Variants in CSMD1 observed in about 807,000 individuals in gnomAD.
The protein encoded by CSMD1 is CUB and Sushi multiple domains 1.
In CSMD1, 213 loss-of-function variants were observed where a neutral mutation model predicts 417.5. The observed-to-expected ratio is 0.51, with a 90% CI of 0.46 to 0.57. The LOEUF is 0.57. CSMD1 is among the 20% of genes least tolerant of loss of function. The pLI is 0.00. For synonymous variants in CSMD1, 2,862 were observed against 1,736.8 expected, an observed-to-expected ratio of 1.65 and a Z score of -16.11; for missense variants, 6,923 against 4,529.7, an observed-to-expected ratio of 1.53 and a Z score of -15.17.
intron 3 of CSMD1, among the ~76,000 whole-genome samples, chr8:4,241,400 T>C (rs924632741): frequency 4.6e-5 from 7 of 152,180 alleles, no homozygotes; most frequent in Non-Finnish European, 7.3e-5. Context: ...CTTAAGTACT[T>C]GCTAACCCCA....
At chr8:4,483,049 T>C (rs1344959129) in intron 2 of CSMD1, among the ~76,000 whole-genome samples, 2 of 152,260 alleles carry the variant, frequency 1.3e-5, no homozygotes, top group African/African-American at 2.4e-5. Context: ...TCATCTTGGA[T>C]TGGACTCCCA....
At chr8:4,817,094 T>A (rs1386859254) in intron 1 of CSMD1, among the ~76,000 whole-genome samples, 1 of 151,980 alleles carries the variant, frequency 6.6e-6, no homozygotes, top group African/African-American at 2.4e-5. Flanking sequence ...CTTTATTATG[T>A]GTATATACAT....
intron 7 of CSMD1, among the ~76,000 whole-genome samples, chr8:3,682,188 A>C (rs1216788840): frequency 1.3e-5 from 2 of 152,212 alleles, no homozygotes; most frequent in East Asian, 3.9e-4. Flanking sequence ...AAAATTGACA[A>C]ATGGGATCTA....
intron 6 of CSMD1, among the ~76,000 whole-genome samples, chr8:3,740,099 A>G (rs2954230): frequency 0.93 from 141,867 of 152,120 alleles, 66,974 homozygotes; most frequent in Non-Finnish European, 1. Context: ...TCATTTTACA[A>G]AATTTTATTT....
At chr8:4,373,322 G>C (rs1344910294) in intron 3 of CSMD1, among the ~76,000 whole-genome samples, 3 of 149,284 alleles carry the variant, frequency 2.0e-5, no homozygotes, top group African/African-American at 7.3e-5. Context: ...ACCAAAGAAA[G>C]TATGCGACAT....
intron 3 of CSMD1, among the ~76,000 whole-genome samples, chr8:4,339,305 C>T (rs1311340578): frequency 1.3e-5 from 2 of 152,060 alleles, no homozygotes; most frequent in African/African-American, 2.4e-5. Context: ...TCAGTTCTTA[C>T]CATTTTGTGA....
intron 3 of CSMD1, among the ~76,000 whole-genome samples, chr8:4,175,081 T>C (rs1053586206): frequency 2.6e-5 from 4 of 151,966 alleles, no homozygotes; most frequent in African/African-American, 7.3e-5. Flanking sequence ...ACTTTTACTT[T>C]GCACTTTCAT....
At chr8:4,114,480 C>A (rs914223131) in intron 3 of CSMD1, among the ~76,000 whole-genome samples, 1 of 152,166 alleles carries the variant, frequency 6.6e-6, no homozygotes, top group African/African-American at 2.4e-5. Context: ...TTAATGTTGT[C>A]TTCATGCCAG....
intron 2 of CSMD1, among the ~76,000 whole-genome samples, chr8:4,540,954 A>G (rs1797353041): frequency 1.3e-5 from 2 of 152,326 alleles, no homozygotes; most frequent in South Asian, 2.1e-4. Flanking sequence ...TCTTGCATAC[A>G]ATAGGGTTAA....
chr8:3,544,612 G>C (rs1490894750), intron 10 of CSMD1, among the ~76,000 whole-genome samples: 2 of 152,108 alleles, frequency 1.3e-5, no homozygotes, highest in Non-Finnish European at 2.9e-5. Context: ...CAGTAACAAA[G>C]GCGGGGGCCC....
chr8:3,427,842 C>A (rs1442825699), intron 12 of CSMD1, among the ~76,000 whole-genome samples: 6 of 152,166 alleles, frequency 3.9e-5, no homozygotes, highest in Non-Finnish European at 8.8e-5. Context: ...GCAGAGGAGG[C>A]GTATGCCTGT....
At chr8:4,315,067 A>G (rs1283666043) in intron 3 of CSMD1, among the ~76,000 whole-genome samples, 3 of 152,116 alleles carry the variant, frequency 2.0e-5, no homozygotes, top group Admixed American at 6.6e-5. Flanking sequence ...TGCCCCGACC[A>G]TTTGAATGGG....
intron 3 of CSMD1, among the ~76,000 whole-genome samples, chr8:4,278,457 T>C (rs942951104): frequency 7.9e-5 from 12 of 152,212 alleles, no homozygotes; most frequent in African/African-American, 1.9e-4. Context: ...ATATAAAATA[T>C]AATTTTTTAA....
chr8:4,483,386 A>C (rs1261997392), intron 2 of CSMD1, among the ~76,000 whole-genome samples: 1 of 152,252 alleles, frequency 6.6e-6, no homozygotes, highest in Non-Finnish European at 1.5e-5. Context: ...TAATGCTGCT[A>C]CATTTTCTAA....
At chr8:3,120,573 G>C (rs1307851164) in intron 41 of CSMD1, among the ~76,000 whole-genome samples, 1 of 152,086 alleles carries the variant, frequency 6.6e-6, no homozygotes, top group Non-Finnish European at 1.5e-5. Flanking sequence ...TGCAGGCTGG[G>C]CTCGGTGGCT....
intron 2 of CSMD1, among the ~76,000 whole-genome samples, chr8:4,551,332 G>A (rs971255221): frequency 6.6e-6 from 1 of 152,134 alleles, no homozygotes; most frequent in East Asian, 1.9e-4. Context: ...TCCCCCGGCT[G>A]TGAGTGCCTT....
chr8:4,643,590 G>C (rs984174829), intron 1 of CSMD1, among the ~76,000 whole-genome samples: 1 of 152,110 alleles, frequency 6.6e-6, no homozygotes, highest in Non-Finnish European at 1.5e-5. Flanking sequence ...TTTTATTTAA[G>C]AGCTAAGGAG....
rs191727820 is a variant in CSMD1, at chr8:3,357,643, A to T, written c.3304+1509T>A. Among the ~76,000 whole-genome samples the T allele has an allele frequency of 3.1e-3, 477 of 152,336 alleles. 3 individuals carry two copies. The highest frequency in any genetic ancestry group is 5.2e-3 in the Non-Finnish European group (351 of 68,030). ...TAATCAGTAGACTACTGACTGTTACATATCTAGATGTCACCTTGATTTCAT... is the reference window on the plus strand; with the variant it reads ...TAATCAGTAGACTACTGACTGTTACTTATCTAGATGTCACCTTGATTTCAT... On this transcript the variant is annotated intron_variant, in intron 21 of 69. Transcript: ENST00000635120.
chr8:4,139,066 C>A (rs1340383894), intron 3 of CSMD1, among the ~76,000 whole-genome samples: 2 of 152,134 alleles, frequency 1.3e-5, no homozygotes, highest in Admixed American at 6.5e-5. Context: ...CCACCAAAAA[C>A]AGAGCAACAA....
Sources: allele counts gnomAD v4.1 joint callset (sites outside exome capture counted in the v4.1 genomes callset), GRCh38; gene constraint gnomAD v4.1.1; transcripts MANE v1.5; gene names NCBI Gene and HGNC (gene_info 2026-07-23, HGNC 2026-07-21).